The following FMNL2 variants were observed in gnomAD, a reference collection of about 807,000 sequenced individuals.
FMNL2 encodes formin-like protein 2.
Under a neutral mutation model 130.2 loss-of-function variants are expected in FMNL2, and 51 were observed. That is an observed-to-expected ratio of 0.39 (90% CI 0.31 to 0.49). FMNL2 has a LOEUF of 0.49. FMNL2 is among the 20% of genes least tolerant of loss of function. The pLI is 0.85. For synonymous variants in FMNL2, 465 were observed against 467.1 expected (o/e 1.00, Z 0.06); for missense variants, 977 against 1,316.2 (o/e 0.74, Z 3.99).
At chr2:152,446,466 G>C (rs893012236) in intron 1 of FMNL2, among the ~76,000 whole-genome samples, 3 of 152,122 alleles carry the variant, frequency 2.0e-5, no homozygotes, top group African/African-American at 7.2e-5. Context: ...AGTATACATG[G>C]AGGTGCAGTA....
chr2:152,514,509 T>A (rs540141149), intron 1 of FMNL2, among the ~76,000 whole-genome samples: 1 of 152,296 alleles, frequency 6.6e-6, no homozygotes, highest in African/African-American at 2.4e-5. Flanking sequence ...GTACTTTCCG[T>A]GTACTTACTT....
At chr2:152,508,859 C>T (rs949264787) in intron 1 of FMNL2, among the ~76,000 whole-genome samples, 3 of 152,126 alleles carry the variant, frequency 2.0e-5, no homozygotes, top group African/African-American at 7.2e-5. Flanking sequence ...CCATTTTCAT[C>T]TCTGTCTTGC....
intron 1 of FMNL2, among the ~76,000 whole-genome samples, chr2:152,464,790 A>G (rs555786126): frequency 5.9e-5 from 9 of 152,310 alleles, no homozygotes; most frequent in African/African-American, 1.9e-4. Flanking sequence ...TCTCAGAGAA[A>G]TAAGCTACTG....
chr2:152,631,207 G>A (rs1047571906), intron 20 of FMNL2, among the ~76,000 whole-genome samples: 1 of 151,720 alleles, frequency 6.6e-6, no homozygotes, highest in Non-Finnish European at 1.5e-5. Flanking sequence ...CCAACATGGC[G>A]AAACCCTGTC....
chr2:152,640,769 C>T (rs1241713160), intron 24 of FMNL2, 22 bp from the exon 25 acceptor site: 1 of 1,610,402 alleles, frequency 6.2e-7, no homozygotes, highest in South Asian at 1.1e-5. Flanking sequence ...CCTCACTAAT[C>T]TCTGCCCTTC....
At chr2:152,631,941 A>C in intron 20 of FMNL2, 67 bp from the exon 21 acceptor site, 1 of 1,519,722 alleles carries the variant, frequency 6.6e-7, no homozygotes. Flanking sequence ...GGAAATCGTC[A>C]CCTGAGGGGT....
In FMNL2 at chr2:152,496,617, T is replaced by G. The variant is rs149727820; in HGVS notation, c.118-25326T>G. ...TATCACTGTGGTGTTTGCCAAATAG[T>G]GATTTTTAAATTTCTGTCATCCCGT... On this transcript the variant is annotated intron_variant, in intron 1 of 25. Transcript: ENST00000288670. Among the ~76,000 whole-genome samples, 113 of 152,346 alleles carry G rather than the reference T, an allele frequency of 7.4e-4. No individual in the cohort carries two copies. In the East Asian group the frequency reaches 0.02, roughly 27 times the overall value.
intron 6 of FMNL2, among the ~76,000 whole-genome samples, chr2:152,566,970 T>C (rs1188894772): frequency 6.6e-6 from 1 of 152,170 alleles, no homozygotes; most frequent in East Asian, 1.9e-4. Context: ...AGTGAAGAGA[T>C]GAGCCTGGCT....
intron 1 of FMNL2, among the ~76,000 whole-genome samples, chr2:152,365,304 G>C (rs1683451417): frequency 6.6e-6 from 1 of 152,140 alleles, no homozygotes; most frequent in South Asian, 2.1e-4. Context: ...TCATTCTAGG[G>C]AAAGGCACGG....
Position 152,647,860 on chromosome 2 carries a change from T to G in FMNL2, c.3234T>G (p.Asp1078Glu), listed in dbSNP as rs1214526559. ...GGAGAAGCGTCAGGCGGCGCTTTGA[T>G]GATCAGAACTTGCGTTCTGTTAATG... is the stretch of plus-strand genomic sequence containing the variant. ...AVRRSVRRRF[D>E]DQNLRSVNGA... Residue 1078 changes from aspartate (D) to glutamate (E), a missense_variant, in exon 26 of 26, where the codon GAT becomes GAG. Transcript: ENST00000288670. 5 of 1,613,796 alleles carry G rather than the reference T, an allele frequency of 3.1e-6. No individual in the cohort carries two copies. The South Asian group carries it at 5.5e-5, about 18-fold the overall frequency.
At chr2:152,453,187 G>A (rs1322258762) in intron 1 of FMNL2, among the ~76,000 whole-genome samples, 10 of 139,432 alleles carry the variant, frequency 7.2e-5, no homozygotes, top group Non-Finnish European at 1.4e-4. Context: ...GGGTGACAGA[G>A]CAAGACTCTG....
intron 9 of FMNL2, among the ~76,000 whole-genome samples, chr2:152,589,975 A>ATG (rs1478574397): frequency 8.6e-3 from 346 of 40,234 alleles, no homozygotes; most frequent in African/African-American, 0.022. Flanking sequence ...ATATATATAT[A>ATG]TATATATATG....
At chr2:152,388,537 C>G (rs1400855306) in intron 1 of FMNL2, among the ~76,000 whole-genome samples, 4 of 152,058 alleles carry the variant, frequency 2.6e-5, no homozygotes, top group Non-Finnish European at 4.4e-5. Context: ...TCCACCGAGT[C>G]CCTCCCATGA....
Position 152,580,933 on chromosome 2 carries a change from TTTTC to T in FMNL2, c.783-20_783-17del. ...TCATGCCATTTTCACTGATTTGTGT[TTTTC>T]TTCTTCTTGTTTTGGCAGAACAAAA... On this transcript the variant is annotated intron_variant, in intron 8 of 25. Transcript: ENST00000288670. 1.9e-6 allele frequency: 3 copies of T among 1,609,252 alleles called. No homozygotes were observed. The highest frequency in any genetic ancestry group is 1.7e-6 in the Non-Finnish European group (2 of 1,176,866).
intron 5 of FMNL2, among the ~76,000 whole-genome samples, chr2:152,560,484 A>G (rs1695463303): frequency 6.6e-6 from 1 of 152,214 alleles, no homozygotes; most frequent in Non-Finnish European, 1.5e-5. Flanking sequence ...GTGAAAATTG[A>G]TGGGTAGGAA....
intron 6 of FMNL2, among the ~76,000 whole-genome samples, chr2:152,566,820 A>G (rs1695866665): frequency 6.6e-6 from 1 of 152,204 alleles, no homozygotes. Flanking sequence ...AGCAGAACCT[A>G]GGGAGTGATT....
At chr2:152,458,448 G>A (rs1285197899) in intron 1 of FMNL2, among the ~76,000 whole-genome samples, 2 of 152,126 alleles carry the variant, frequency 1.3e-5, no homozygotes, top group Non-Finnish European at 2.9e-5. Context: ...CCCTGCCTGG[G>A]TCATTCCTTC....
At chr2:152,631,967 C>G (rs765146541) in intron 20 of FMNL2, 41 bp from the exon 21 acceptor site, 1 of 1,586,682 alleles carries the variant, frequency 6.3e-7, no homozygotes, top group Non-Finnish European at 8.6e-7. Flanking sequence ...TCTTGTTACC[C>G]TTTACTCTTG....
chr2:152,618,827 A>T lies in FMNL2; in HGVS notation c.1315-19A>T. 6.4e-7 allele frequency: 1 copy of T among 1,567,338 alleles called. No individual in the cohort carries two copies. Among genetic ancestry groups the T allele is most frequent in the Non-Finnish European group, 8.6e-7 (1 of 1,158,154 alleles). On this transcript the variant is annotated intron_variant, in intron 13 of 25. Transcript: ENST00000288670. ...AATGTTATGTGAAGATAAACTCTTGACCTTGGACTTTATTGCAGGAAATCT... is the reference window on the plus strand; with the variant it reads ...AATGTTATGTGAAGATAAACTCTTGTCCTTGGACTTTATTGCAGGAAATCT...
Sources: gnomAD v4.1 joint callset for allele counts (sites outside exome capture counted in the v4.1 genomes callset) on GRCh38, gnomAD v4.1.1 for gene constraint, MANE v1.5 for transcripts, NCBI Gene and HGNC (gene_info 2026-07-23, HGNC 2026-07-21) for gene names.